Variants in COA1 observed in about 807,000 individuals in gnomAD.
COA1 encodes cytochrome c oxidase assembly factor 1 homolog.
Under a neutral mutation model 16.0 loss-of-function variants are expected in COA1, and 13 were observed. The ratio of observed to expected loss-of-function variants is 0.81; its 90% CI spans 0.53 to 1.29. COA1 has a LOEUF of 1.29. Ranked by LOEUF, COA1 falls within the 50% of genes most tolerant of loss-of-function variation. The pLI, the probability that COA1 is intolerant of heterozygous loss-of-function variation, is 0.00. For missense variants in COA1, 179 were observed against 177.0 expected, an observed-to-expected ratio of 1.01 and a Z score of -0.06; for synonymous variants, 65 against 65.7, an observed-to-expected ratio of 0.99 and a Z score of 0.05.
intron 1 of COA1, among the ~76,000 whole-genome samples, chr7:43,670,117 G>T (rs2093163725): frequency 6.6e-6 from 1 of 152,070 alleles, no homozygotes; most frequent in Non-Finnish European, 1.5e-5. Context: ...GAATAACATG[G>T]ATATTTTAAA....
At chr7:43,698,190 A>G (rs111626806) in intron 1 of COA1, among the ~76,000 whole-genome samples, 4 of 152,344 alleles carry the variant, frequency 2.6e-5, no homozygotes, top group African/African-American at 9.6e-5. Flanking sequence ...GGCATCATAG[A>G]CAATATGAAA....
intron 1 of COA1, among the ~76,000 whole-genome samples, chr7:43,698,691 T>C (rs1344662143): frequency 2.0e-5 from 3 of 152,228 alleles, no homozygotes; most frequent in African/African-American, 7.2e-5. Flanking sequence ...TGTTAGTGGC[T>C]GTGAGATGTG....
intron 1 of COA1, among the ~76,000 whole-genome samples, chr7:43,722,274 G>T (rs1167207160): frequency 6.6e-6 from 1 of 151,824 alleles, no homozygotes; most frequent in African/African-American, 2.4e-5. Flanking sequence ...TGTATTTTTA[G>T]TAGAGAGATG....
downstream of COA1, among the ~76,000 whole-genome samples, chr7:43,638,566 C>CT (rs746584234): frequency 0.011 from 1,063 of 97,366 alleles, 8 homozygotes; most frequent in East Asian, 0.025. Flanking sequence ...TTTTTCTTTC[C>CT]TTTTTTTTTT....
intron 1 of COA1, among the ~76,000 whole-genome samples, chr7:43,670,057 C>T (rs1037654168): frequency 6.6e-6 from 1 of 152,138 alleles, no homozygotes; most frequent in Non-Finnish European, 1.5e-5. Flanking sequence ...CCTAGAGTAA[C>T]ACAAATATAA....
Position 43,627,105 on chromosome 7 carries a change from G to A in COA1, c.*133+12344C>T, listed in dbSNP as rs373406303. Among the ~76,000 whole-genome samples, 17 of 152,208 alleles carry A rather than the reference G, an allele frequency of 1.1e-4. No individual in the cohort carries two copies. The East Asian group carries it at 2.3e-3, about 21-fold the overall frequency. On this transcript the variant is annotated intron_variant and NMD_transcript_variant, in intron 6 of 6. Coordinates refer to the COA1 transcript ENST00000415076. ...CTAAACAGTACTATTGAGTTTACTC[G>A]GTTTATAAATCCAGTTTTAACTATA...
chr7:43,696,311 A>G (rs931339953), intron 1 of COA1, among the ~76,000 whole-genome samples: 15 of 152,228 alleles, frequency 9.9e-5, no homozygotes, highest in African/African-American at 3.6e-4. Context: ...CGAGAACAGT[A>G]TGGGGGGAAC....
chr7:43,727,582 G>A (rs1378109913), intron 1 of COA1, among the ~76,000 whole-genome samples: 1 of 152,192 alleles, frequency 6.6e-6, no homozygotes, highest in African/African-American at 2.4e-5. Flanking sequence ...GAACATGAAT[G>A]TTAAGTAAAA....
chr7:43,638,339 G>GC (rs375744595), downstream of COA1, among the ~76,000 whole-genome samples: 38 of 151,916 alleles, frequency 2.5e-4, no homozygotes, highest in African/African-American at 8.7e-4. Flanking sequence ...GCCTGCTAAT[G>GC]CTAAGAGGGT....
intron 1 of COA1, among the ~76,000 whole-genome samples, chr7:43,684,156 T>A (rs1011691666): frequency 4.6e-5 from 7 of 152,104 alleles, no homozygotes; most frequent in African/African-American, 1.4e-4. Flanking sequence ...AGGGGGATGG[T>A]TTTGGGATAA....
chr7:43,719,275 G>C (rs1347891141), intron 1 of COA1, among the ~76,000 whole-genome samples: 4 of 151,938 alleles, frequency 2.6e-5, no homozygotes, highest in Non-Finnish European at 5.9e-5. Context: ...GCCAAGAAGA[G>C]CTTCTTAATA....
intron 6 of COA1, chr7:43,623,891 A>T (rs1032123364): frequency 6.6e-7 from 1 of 1,508,236 alleles, no homozygotes; most frequent in Non-Finnish European, 8.8e-7. Context: ...AAACCTGAGT[A>T]AGTATTATTT....
chr7:43,612,421 G>A (rs967037477), intron 6 of COA1, among the ~76,000 whole-genome samples: 19 of 152,232 alleles, frequency 1.2e-4, no homozygotes, highest in African/African-American at 3.9e-4. Flanking sequence ...GTCTTCGACA[G>A]TGTGTGCTCA....
chr7:43,717,212 A>C (rs1010766753), intron 1 of COA1, among the ~76,000 whole-genome samples: 2 of 152,138 alleles, frequency 1.3e-5, no homozygotes, highest in Non-Finnish European at 2.9e-5. Context: ...AGATCCACTG[A>C]CAGCTTGCAC....
chr7:43,727,544 G>A (rs944653423), intron 1 of COA1, among the ~76,000 whole-genome samples: 1 of 152,162 alleles, frequency 6.6e-6, no homozygotes, highest in African/African-American at 2.4e-5. Flanking sequence ...AAAAAGTACT[G>A]ACACATGCTA....
intron 1 of COA1, among the ~76,000 whole-genome samples, chr7:43,691,309 GAAAGAAAGAA>G (rs2094303115): frequency 1.1e-5 from 1 of 90,444 alleles, no homozygotes; most frequent in Non-Finnish European, 2.3e-5. Flanking sequence ...AAGAAAGAAA[GAAAGAAAGAA>G]AGAAAGAAAG....
chr7:43,704,509 A>AT (rs2094892434), intron 1 of COA1, among the ~76,000 whole-genome samples: 1 of 152,090 alleles, frequency 6.6e-6, no homozygotes, highest in South Asian at 2.1e-4. Flanking sequence ...GGTTTTGTTC[A>AT]TTTTTTAACT....
At chr7:43,691,265 A>AAAGAAAAGAAAGAAAG (rs1450949783) in intron 1 of COA1, among the ~76,000 whole-genome samples, 8 of 45,932 alleles carry the variant, frequency 1.7e-4, no homozygotes, top group African/African-American at 2.7e-4. Context: ...AGAAAGAAAG[A>AAAGAAAAGAAAGAAAG]AAAGAAAGAA....
chr7:43,648,869 T>C, intron 1 of COA1: 1 of 484,794 alleles, frequency 2.1e-6, no homozygotes, highest in East Asian at 3.3e-5. Context: ...GTTTCCTGTC[T>C]GTGTCCTATG....
Sources: gnomAD v4.1 joint callset for allele counts (sites outside exome capture counted in the v4.1 genomes callset) on GRCh38, gnomAD v4.1.1 for gene constraint, MANE v1.5 for transcripts, NCBI Gene and HGNC (gene_info 2026-07-23, HGNC 2026-07-21) for gene names.